Variants in BEND4 observed in about 807,000 individuals in gnomAD.
BEND4 encodes the protein BEN domain containing 4, also known as BEN domain-containing protein 4.
BEND4 carries 27 observed loss-of-function variants against 54.7 expected under a neutral mutation model. The observed-to-expected ratio is 0.49, with a 90% CI of 0.36 to 0.68. The LOEUF is 0.68. Among genes scored for constraint, BEND4 ranks in the 30% least tolerant of loss-of-function variants. BEND4 has a pLI of 0.00. For synonymous variants in BEND4, 327 were observed against 299.5 expected (o/e 1.09, Z -0.95); for missense variants, 702 against 697.2 (o/e 1.01, Z -0.08).
chr4:42,136,203 A>G (rs1428704836), intron 3 of BEND4, among the ~76,000 whole-genome samples: 1 of 152,086 alleles, frequency 6.6e-6, no homozygotes, highest in East Asian at 1.9e-4. Context: ...GGTATTTTCA[A>G]GTTTGGAGGT....
rs1196183743 is a variant in BEND4 at position 42,112,113 on chromosome 4, G to T, written c.*5405C>A. On this transcript the variant is annotated 3_prime_UTR_variant, in exon 6 of 6. Coordinates refer to ENST00000502486, the MANE Select transcript of BEND4 (RefSeq NM_207406.4). ...AATAAAACAACAAATCCATTCCAAA[G>T]TGTTGATGGGCTTTGAGAACTGTGC... 1.3e-5 allele frequency: 2 copies of T among 152,174 alleles called. No homozygotes were observed. The highest frequency in any genetic ancestry group is 4.8e-5 in the African/African-American group (2 of 41,444). The allele number at this position is 152,174 out of a possible 1,614,324, so 9.4% of individuals were successfully genotyped here. A position where few individuals can be genotyped will look rare whatever the true frequency, so the allele number is the denominator to read the frequency against.
At chr4:42,117,851 T>C (rs1719907045) in intron 5 of BEND4, 116 bp from the exon 6 acceptor site, 3 of 688,166 alleles carry the variant, frequency 4.4e-6, no homozygotes, top group Non-Finnish European at 2.4e-6. Context: ...AAAAGCTTTA[T>C]GGGAAATCCA....
chr4:42,142,081 T>A (rs116199551), intron 3 of BEND4, among the ~76,000 whole-genome samples: 19,311 of 151,228 alleles, frequency 0.13, 1,243 homozygotes, highest in Middle Eastern at 0.17. Flanking sequence ...TTTTGTGTAT[T>A]TTTTTAGTAG....
chr4:42,143,509 G>C lies in BEND4; in HGVS notation c.973C>G (p.Arg325Gly). ...EEEDEEGYCP[R>G]CQELEQEVIS... ...ACCTCCTGCTCCAGCTCTTGGCATC[G>C]AGGACAATAGCCTTCCTCGTCCTCC... Residue 325 changes from arginine (R) to glycine (G), a missense_variant, in exon 3 of 6, where the codon CGA becomes GGA. Physicochemically the swap from Arg to Gly is moderately radical, Grantham distance 125 (BLOSUM62 -2). Coordinates refer to ENST00000502486, the MANE Select transcript of BEND4 (RefSeq NM_207406.4). 1.9e-6 allele frequency: 3 copies of C among 1,552,726 alleles called. No individual in the cohort carries two copies. The highest frequency in any genetic ancestry group is 2.6e-6 in the Non-Finnish European group (3 of 1,147,448).
At chr4:42,128,322 A>G (rs1044895718) in intron 3 of BEND4, among the ~76,000 whole-genome samples, 1 of 152,182 alleles carries the variant, frequency 6.6e-6, no homozygotes, top group Non-Finnish European at 1.5e-5. Context: ...CTCCTATTCA[A>G]CACAGTATTG....
At chr4:42,120,623 C>T (rs1197828810) in intron 4 of BEND4, among the ~76,000 whole-genome samples, 1 of 152,130 alleles carries the variant, frequency 6.6e-6, no homozygotes, top group Non-Finnish European at 1.5e-5. Flanking sequence ...CTTTCCTTTT[C>T]AATCTATTAA....
intron 3 of BEND4, among the ~76,000 whole-genome samples, chr4:42,137,576 G>A (rs1161208015): frequency 2.0e-5 from 3 of 151,982 alleles, no homozygotes; most frequent in Admixed American, 1.3e-4. Context: ...TTAGCAGCTC[G>A]TACTACAAGA....
At chr4:42,151,507 C>G in intron 2 of BEND4, 150 bp downstream of exon 2, 1 of 791,262 alleles carries the variant, frequency 1.3e-6, no homozygotes, top group Non-Finnish European at 1.8e-6. Context: ...CTCGAAGTTT[C>G]CGGGTGCGCG....
At chr4:42,141,655 C>T (rs1179717530) in intron 3 of BEND4, among the ~76,000 whole-genome samples, 5 of 152,148 alleles carry the variant, frequency 3.3e-5, no homozygotes, top group African/African-American at 7.2e-5. Context: ...GCAGGAGAAT[C>T]GCTTGAACTC....
intron 3 of BEND4, among the ~76,000 whole-genome samples, chr4:42,129,315 A>G (rs1457927756): frequency 6.6e-6 from 1 of 152,262 alleles, no homozygotes; most frequent in African/African-American, 2.4e-5. Context: ...GCTCATGGAT[A>G]GGAAGAATCA....
intron 2 of BEND4, 25 bp downstream of exon 2, chr4:42,151,632 G>A (rs1316067335): frequency 7.6e-6 from 11 of 1,444,550 alleles, no homozygotes; most frequent in Non-Finnish European, 1.0e-5. Flanking sequence ...GTGGCGGGAA[G>A]GAAAGTTGTG....
At chr4:42,150,283 T>A (rs1468903630) in intron 2 of BEND4, among the ~76,000 whole-genome samples, 1 of 152,014 alleles carries the variant, frequency 6.6e-6, no homozygotes, top group African/African-American at 2.4e-5. Context: ...AATGGAATAT[T>A]GGGGCAAGAG....
At chr4:42,128,884 C>T (rs1212954214) in intron 3 of BEND4, among the ~76,000 whole-genome samples, 2 of 152,078 alleles carry the variant, frequency 1.3e-5, no homozygotes, top group East Asian at 1.9e-4. Context: ...TGCAGTGAGC[C>T]GAGACTGTGC....
At position 42,111,806 on chromosome 4, in the gene BEND4, ACT is replaced by A. The variant is rs1156446060; in HGVS notation, c.*5710_*5711del. On this transcript the variant is annotated 3_prime_UTR_variant, in exon 6 of 6. Coordinates refer to ENST00000502486, the MANE Select transcript of BEND4 (RefSeq NM_207406.4). Reference sequence around the variant, plus strand: ...TTCTAACATCTAGGAGTTCCCAAAGACTCTCACTTCACTGAGTTCAAATGTTT... The same window carrying A: ...TTCTAACATCTAGGAGTTCCCAAAGACTCACTTCACTGAGTTCAAATGTTT... 6.6e-6 allele frequency: 1 copy of A among 151,970 alleles called. No homozygotes were observed. The highest frequency in any genetic ancestry group is 2.4e-5 in the African/African-American group (1 of 41,348). 9.4% of individuals were successfully genotyped at this position (151,970 alleles called of 1,614,324 possible).
At chr4:42,119,338 G>A (rs1322060753) in intron 5 of BEND4, among the ~76,000 whole-genome samples, 1 of 152,056 alleles carries the variant, frequency 6.6e-6, no homozygotes, top group African/African-American at 2.4e-5. Context: ...TTTTTGATAT[G>A]GATTTTTCAG....
At position 42,112,438 on chromosome 4, in the gene BEND4, G is replaced by C. The variant is rs1719611321; in HGVS notation, c.*5080C>G. ...GTGGCCAGGATACATCTGGCCACTT[G>C]TACTGGCCCAATTATTCCAAGAATA... is the stretch of plus-strand genomic sequence containing the variant. On this transcript the variant is annotated 3_prime_UTR_variant, in exon 6 of 6. Coordinates refer to ENST00000502486, the MANE Select transcript of BEND4 (RefSeq NM_207406.4). The C allele has an allele frequency of 6.6e-6, 1 of 152,200 alleles. No individual in the cohort carries two copies. The highest frequency in any genetic ancestry group is 1.5e-5 in the Non-Finnish European group (1 of 68,044). The allele number at this position is 152,200 out of a possible 1,614,324, so 9.4% of individuals were successfully genotyped here. A position where few individuals can be genotyped will look rare whatever the true frequency, so the allele number is the denominator to read the frequency against.
At chr4:42,138,967 A>G (rs908680760) in intron 3 of BEND4, among the ~76,000 whole-genome samples, 26 of 152,330 alleles carry the variant, frequency 1.7e-4, no homozygotes, top group African/African-American at 6.3e-4. Context: ...GGCGTCTTAG[A>G]TTAGATGAAA....
At chr4:42,122,246 C>T (rs1220375514) in intron 4 of BEND4, among the ~76,000 whole-genome samples, 3 of 152,258 alleles carry the variant, frequency 2.0e-5, no homozygotes, top group East Asian at 3.9e-4. Context: ...CTGGGTTCAG[C>T]CTTGGGCAGG....
rs1393278971 is a variant in BEND4, at chr4:42,112,730, T to C, written c.*4788A>G. 3 of 152,204 alleles carry C rather than the reference T, an allele frequency of 2.0e-5. No individual in the cohort carries two copies. The highest frequency in any genetic ancestry group is 2.9e-5 in the Non-Finnish European group (2 of 68,050). 9.4% of individuals were successfully genotyped at this position (152,204 alleles called of 1,614,324 possible). On this transcript the variant is annotated 3_prime_UTR_variant, in exon 6 of 6. Coordinates refer to ENST00000502486, the MANE Select transcript of BEND4 (RefSeq NM_207406.4). ...TGTGGCGTGTGAAAGTGGTCTCTAA[T>C]GTGTACACAGATCAGTTAAACTTTT...
Sources: allele counts gnomAD v4.1 joint callset (sites outside exome capture counted in the v4.1 genomes callset), GRCh38; gene constraint gnomAD v4.1.1; transcripts MANE v1.5; gene names NCBI Gene and HGNC (gene_info 2026-07-23, HGNC 2026-07-21).